Variants in BCOR observed in about 807,000 individuals in gnomAD.
BCOR encodes the protein BCL-6 corepressor.
Under a neutral mutation model 86.7 loss-of-function variants are expected in BCOR, and 10 were observed. That is an observed-to-expected ratio of 0.12 (90% CI 0.07 to 0.20). BCOR has a LOEUF of 0.20. Ranked by LOEUF, BCOR falls within the 10% of genes least tolerant of loss-of-function variation. The pLI is 1.00. For synonymous variants in BCOR, 611 were observed against 609.0 expected, an observed-to-expected ratio of 1.00 and a Z score of -0.05; for missense variants, 1,259 against 1,452.1, an observed-to-expected ratio of 0.87 and a Z score of 2.16.
chrX:40,095,299 G>A (rs1936807669), intron 1 of BCOR, among the ~76,000 whole-genome samples: 1 of 111,886 alleles, frequency 8.9e-6, no homozygotes, highest in South Asian at 3.7e-4. Flanking sequence ...AGGAATCTTT[G>A]AGGCTGACAA....
rs1255762428 is a variant in BCOR, at chrX:40,055,531, A to G, written c.4596-18T>C. On this transcript the variant is annotated intron_variant, in intron 11 of 14. Coordinates refer to ENST00000378444, the MANE Select transcript of BCOR (RefSeq NM_001123385.2). The stretch of plus-strand genomic sequence containing the variant: ...GCAGAGGCCTAGGAAGAGAGGCGCA[A>G]TAGAATTATGCTCATGCAAGCCACA... The G allele has an allele frequency of 8.3e-7, 1 of 1,208,624 alleles. No homozygotes were observed. Among genetic ancestry groups the G allele is most frequent in the Non-Finnish European group, 1.1e-6 (1 of 894,534 alleles).
chrX:40,096,499 C>T (rs964156404), intron 1 of BCOR, among the ~76,000 whole-genome samples: 1 of 105,219 alleles, frequency 9.5e-6, no homozygotes, highest in Non-Finnish European at 1.9e-5. Flanking sequence ...CCTTGCTCTG[C>T]TCGATTTCTT....
At chrX:40,088,139 ATCCTCGAAAACAATCAG>A (rs960851746) in intron 1 of BCOR, among the ~76,000 whole-genome samples, 4 of 111,953 alleles carry the variant, frequency 3.6e-5, no homozygotes, top group Admixed American at 9.4e-5. Context: ...AAACAAACAG[ATCCTCGAAAACAATCAG>A]TCCTCGAGCT....
chrX:40,095,658 A>G (rs1936824114), intron 1 of BCOR, among the ~76,000 whole-genome samples: 1 of 111,972 alleles, frequency 8.9e-6, no homozygotes, highest in Admixed American at 9.3e-5. Context: ...GCGAATACCT[A>G]TTTGAAGCGC....
chrX:40,089,942 G>A (rs1268689211), intron 1 of BCOR, among the ~76,000 whole-genome samples: 1 of 111,983 alleles, frequency 8.9e-6, no homozygotes, highest in African/African-American at 3.3e-5. Context: ...CCACAAAAGC[G>A]CAAGCCGGGG....
chrX:40,070,717 T>C (rs1935435047), intron 6 of BCOR, among the ~76,000 whole-genome samples: 1 of 111,807 alleles, frequency 8.9e-6, no homozygotes, highest in Non-Finnish European at 1.9e-5. Flanking sequence ...AACCTGTCCC[T>C]GCACCTAATT....
At position 40,077,973 on chromosome X, in the gene BCOR, T is replaced by C. The variant is rs779123312; in HGVS notation, c.-40-4A>G. The stretch of plus-strand genomic sequence containing the variant: ...AGCTTTGCTTCAAGCGTCTAGTCTG[T>C]TAAAAGGAAAGAAAAAAAATCCCAG... On this transcript the variant is annotated splice_polypyrimidine_tract_variant and splice_region_variant and intron_variant, in intron 1 of 14. Transcript: ENST00000378444. 23 of 1,111,582 alleles carry C rather than the reference T, an allele frequency of 2.1e-5. No homozygotes were observed. In the South Asian group the frequency reaches 3.3e-4, roughly 16 times the overall value. 91.6% of individuals were successfully genotyped at this position (1,111,582 alleles called of 1,213,427 possible).
intron 1 of BCOR, among the ~76,000 whole-genome samples, chrX:40,116,840 G>A (rs148327956): frequency 2.4e-3 from 269 of 112,583 alleles, no homozygotes; most frequent in South Asian, 0.015. Context: ...AATTTGTCCT[G>A]CAGGTCCCTG....
chrX:40,168,246 G>C (rs1332077699), intron 1 of BCOR, among the ~76,000 whole-genome samples: 1 of 113,258 alleles, frequency 8.8e-6, no homozygotes, highest in Admixed American at 9.2e-5. Context: ...AAGGAGCTCA[G>C]GAAGCATTTT....
At chrX:40,109,587 G>A (rs1262600306) in intron 1 of BCOR, among the ~76,000 whole-genome samples, 1 of 111,052 alleles carries the variant, frequency 9.0e-6, no homozygotes, top group African/African-American at 3.3e-5. Context: ...GAGGGCGCCA[G>A]GCTGCCACCC....
chrX:40,072,691 T>C lies in BCOR; in HGVS notation c.2655A>G (p.Ala885=). 1 of 1,212,148 alleles carries C rather than the reference T, an allele frequency of 8.2e-7. No individual in the cohort carries two copies. The highest frequency in any genetic ancestry group is 2.2e-5 in the Admixed American group (1 of 46,091). ...ACCCTAGGTTCTCTTTGTTGGTACC[T>C]GCCAGAACACTGTCCTTGCTTACGG... ...VFTVSKDSVL[A]GTNKENLGLP... Residue 885 remains alanine, a synonymous_variant, in exon 4 of 15, where the codon GCA becomes GCG. Coordinates refer to ENST00000378444, the MANE Select transcript of BCOR (RefSeq NM_001123385.2).
At chrX:40,070,894 G>A in intron 6 of BCOR, 79 bp downstream of exon 6, 1 of 1,003,459 alleles carries the variant, frequency 1.0e-6, no homozygotes, top group Admixed American at 2.2e-5. Context: ...TTCCATGCAT[G>A]GCAAAAGCAG....
chrX:40,052,298 T>G lies in BCOR; in HGVS notation c.5079A>C (p.Ala1693=), dbSNP rs747812795. 10 of 1,212,299 alleles carry G rather than the reference T, an allele frequency of 8.2e-6. No individual in the cohort carries two copies. In the East Asian group the frequency reaches 2.7e-4, roughly 32 times the overall value. The change falls in exon 15 of 15, where the codon GCA becomes GCC. Residue 1693 remains alanine (A), a synonymous_variant. Coordinates refer to ENST00000378444, the MANE Select transcript of BCOR (RefSeq NM_001123385.2). ...NFPNVEIVTI[A]EAEFYRQVSA... is the part of the protein sequence containing the mutation. ...AAACCTGCCGATAAAATTCTGCCTCTGCAATGGTGACAATTTCCACGTTTG... is the reference window on the plus strand; with the variant it reads ...AAACCTGCCGATAAAATTCTGCCTCGGCAATGGTGACAATTTCCACGTTTG...
At chrX:40,157,262 C>T (rs1193044197) in intron 1 of BCOR, among the ~76,000 whole-genome samples, 1 of 109,784 alleles carries the variant, frequency 9.1e-6, no homozygotes, top group Non-Finnish European at 1.9e-5. Flanking sequence ...CCTCCAGACT[C>T]CAGGCCCTCC....
chrX:40,097,045 G>T (rs1936917326), intron 1 of BCOR, among the ~76,000 whole-genome samples, 170 bp downstream of exon 1: 1 of 112,975 alleles, frequency 8.9e-6, no homozygotes. Flanking sequence ...ACATAGCTAT[G>T]AAATAAAAAC....
rs2147210178 is a variant in BCOR, at chrX:40,072,850, G to A, written c.2496C>T (p.Gly832=). 1 of 1,211,742 alleles carries A rather than the reference G, an allele frequency of 8.3e-7. No individual in the cohort carries two copies. Among genetic ancestry groups the A allele is most frequent in the Non-Finnish European group, 1.1e-6 (1 of 895,529 alleles). The change falls in exon 4 of 15, where the codon GGC becomes GGT. Residue 832 remains glycine (G), a synonymous_variant. Transcript: ENST00000378444. ...AGGGCTTGGGGGGCTCAGCGCTCTGGCCAACACTCTCTGCTGCAAAGCTGG... is the reference window on the plus strand; with the variant it reads ...AGGGCTTGGGGGGCTCAGCGCTCTGACCAACACTCTCTGCTGCAAAGCTGG... The part of the protein sequence containing the change: ...SKPSFAAESV[G]QSAEPPKPSV...
intron 1 of BCOR, among the ~76,000 whole-genome samples, chrX:40,139,438 A>ATG (rs1937807813): frequency 5.2e-5 from 1 of 19,246 alleles, no homozygotes; most frequent in African/African-American, 7.1e-4. Context: ...ATATATATAT[A>ATG]TATATATAAT....
Position 40,122,093 on chromosome X carries a change from T to C in BCOR, c.-40-44124A>G, listed in dbSNP as rs930986265. Among the ~76,000 whole-genome samples the C allele has an allele frequency of 3.6e-5, 4 of 111,609 alleles. No individual in the cohort carries two copies. In the East Asian group the frequency reaches 8.5e-4, roughly 24 times the overall value. ...CCCTCCAAGAACAGTCTCTCCTCTATACAAAAACCTCAGAGCCCTCACTTG... is the reference window on the plus strand; with the variant it reads ...CCCTCCAAGAACAGTCTCTCCTCTACACAAAAACCTCAGAGCCCTCACTTG... On this transcript the variant is annotated intron_variant, in intron 1 of 14. Transcript: ENST00000342274.
rs769047559 is a variant in BCOR, at chrX:40,153,054, G to A, written c.-41+23953C>T. On this transcript the variant is annotated intron_variant, in intron 1 of 14. Coordinates refer to the BCOR transcript ENST00000342274. ...CGAGCAGCCTGCCCGGCCAAGTGGC[G>A]CCTGCCCAGCCGTCGGCCGTGCCAG... Among the ~76,000 whole-genome samples, 7 of 113,242 alleles carry A rather than the reference G, an allele frequency of 6.2e-5. No individual in the cohort carries two copies. The Admixed American group carries it at 6.4e-4, about 10-fold the overall frequency.
Sources: gnomAD v4.1 joint callset for allele counts (sites outside exome capture counted in the v4.1 genomes callset) on GRCh38, gnomAD v4.1.1 for gene constraint, MANE v1.5 for transcripts, NCBI Gene and HGNC (gene_info 2026-07-23, HGNC 2026-07-21) for gene names.